The following WDR72 variants were observed in gnomAD, a reference collection of about 807,000 sequenced individuals.
WDR72 encodes WD repeat domain 72.
WDR72 carries 120 observed loss-of-function variants against 124.2 expected under a neutral mutation model. That is an observed-to-expected ratio of 0.97 (90% CI 0.83 to 1.12). WDR72 has a LOEUF of 1.12. WDR72 is among the 50% of genes most tolerant of loss of function. WDR72 has a pLI of 0.00. For synonymous variants in WDR72, 452 were observed against 441.7 expected, an observed-to-expected ratio of 1.02 and a Z score of -0.29; for missense variants, 1,387 against 1,278.8, an observed-to-expected ratio of 1.08 and a Z score of -1.29.
intron 18 of WDR72, among the ~76,000 whole-genome samples, chr15:53,532,541 C>A (rs970648024): frequency 6.6e-6 from 1 of 151,962 alleles, no homozygotes; most frequent in African/African-American, 2.4e-5. Flanking sequence ...AAGTCAGGTA[C>A]AGAAAAACAA....
intron 4 of WDR72, among the ~76,000 whole-genome samples, chr15:53,715,877 G>A (rs923134588): frequency 5.1e-4 from 78 of 152,178 alleles, no homozygotes; most frequent in African/African-American, 1.8e-3. Context: ...CAACAATGCT[G>A]TATGTTAAAA....
Position 53,582,566 on chromosome 15 carries a change from C to T in WDR72, c.3148+14513G>A, listed in dbSNP as rs777569277. Among the ~76,000 whole-genome samples, 110 of 151,784 alleles carry T rather than the reference C, an allele frequency of 7.2e-4. 1 individual carries two copies. The highest frequency in any genetic ancestry group is 1.2e-3 in the Admixed American group (18 of 15,214). ...TAGAAAAATCTTATGGGCTTGTTTC[C>T]CCGAATACCTGACCGCTAATTTAAA... On this transcript the variant is annotated intron_variant, in intron 18 of 19. Coordinates refer to ENST00000360509, the MANE Select transcript of WDR72 (RefSeq NM_182758.4).
intron 17 of WDR72, among the ~76,000 whole-genome samples, chr15:53,600,720 C>T (rs745779637): frequency 3.3e-5 from 5 of 152,134 alleles, no homozygotes; most frequent in African/African-American, 9.7e-5. Context: ...TTTCCCAACA[C>T]TCTGCTCATG....
chr15:53,627,908 T>C (rs1047379471), intron 14 of WDR72, among the ~76,000 whole-genome samples: 1 of 152,290 alleles, frequency 6.6e-6, no homozygotes, highest in Admixed American at 6.5e-5. Flanking sequence ...CTTTTTAAAA[T>C]CTCCTTAATA....
chr15:53,535,386 C>T (rs1334558018), intron 18 of WDR72, among the ~76,000 whole-genome samples: 1 of 152,156 alleles, frequency 6.6e-6, no homozygotes, highest in African/African-American at 2.4e-5. Flanking sequence ...GAACCATGAT[C>T]ATCAACCTTT....
intron 5 of WDR72, 32 bp downstream of exon 5, chr15:53,715,161 C>T (rs746970848): frequency 1.2e-6 from 2 of 1,605,906 alleles, no homozygotes; most frequent in Non-Finnish European, 1.7e-6. Context: ...TATATGCAAT[C>T]TCTCTACTGT....
At chr15:53,656,271 A>T (rs2015417201) in intron 14 of WDR72, among the ~76,000 whole-genome samples, 1 of 152,224 alleles carries the variant, frequency 6.6e-6, no homozygotes, top group African/African-American at 2.4e-5. Context: ...ACAAATAAAT[A>T]AACGTCATTT....
rs563885155 is a variant in WDR72, at chr15:53,623,321, A to C, written c.1963-7078T>G. ...GGCTATTGTTGTCATCTTTATGTTC[A>C]TGAGTACTCATTGTTTAGCTTCCAT... On this transcript the variant is annotated intron_variant, in intron 14 of 19. Transcript: ENST00000360509. Among the ~76,000 whole-genome samples, 14 of 152,156 alleles carry C rather than the reference A, an allele frequency of 9.2e-5. No individual in the cohort carries two copies. In the East Asian group the frequency reaches 2.3e-3, roughly 25 times the overall value.
chr15:53,662,743 T>C (rs2015648492), intron 14 of WDR72, among the ~76,000 whole-genome samples: 1 of 152,050 alleles, frequency 6.6e-6, no homozygotes, highest in African/African-American at 2.4e-5. Flanking sequence ...TTCACACTTA[T>C]CAAATTTGTA....
At position 53,514,212 on chromosome 15, in the gene WDR72, T is replaced by C. The variant is rs1361679843; in HGVS notation, c.*3487A>G. The stretch of plus-strand genomic sequence containing the variant: ...TTCTTAGGAAATTAAACACAACTTT[T>C]GGCACTTTACATATAAGACAACATT... On this transcript the variant is annotated 3_prime_UTR_variant, in exon 20 of 20. Coordinates refer to ENST00000360509, the MANE Select transcript of WDR72 (RefSeq NM_182758.4). 1 of 152,212 alleles carries C rather than the reference T, an allele frequency of 6.6e-6. No homozygotes were observed. Among genetic ancestry groups the C allele is most frequent in the African/African-American group, 2.4e-5 (1 of 41,456 alleles). The allele number at this position is 152,212 out of a possible 1,614,324, so 9.4% of individuals were successfully genotyped here. A position where few individuals can be genotyped will look rare whatever the true frequency, so the allele number is the denominator to read the frequency against.
intron 18 of WDR72, among the ~76,000 whole-genome samples, chr15:53,536,876 C>G (rs1892790911): frequency 6.6e-6 from 1 of 152,092 alleles, no homozygotes; most frequent in Non-Finnish European, 1.5e-5. Flanking sequence ...TTGACATGAT[C>G]CTGTTGTCTG....
chr15:53,665,435 A>G, intron 14 of WDR72, 137 bp downstream of exon 14: 3 of 951,256 alleles, frequency 3.2e-6, no homozygotes, highest in Non-Finnish European at 4.9e-6. Flanking sequence ...GATTCACCCA[A>G]GATTACTTGG....
chr15:53,598,428 T>G (rs1169543194), intron 17 of WDR72, among the ~76,000 whole-genome samples: 1 of 150,980 alleles, frequency 6.6e-6, no homozygotes, highest in East Asian at 2.0e-4. Flanking sequence ...ACACCGAGAG[T>G]GGTGACCTAG....
intron 15 of WDR72, among the ~76,000 whole-genome samples, chr15:53,614,266 G>A (rs1237361920): frequency 6.6e-6 from 1 of 152,020 alleles, no homozygotes; most frequent in Non-Finnish European, 1.5e-5. Flanking sequence ...GTTAAATCAT[G>A]TGCCCAGGTG....
intron 1 of WDR72, among the ~76,000 whole-genome samples, chr15:53,736,644 G>C (rs1390679145): frequency 6.6e-6 from 1 of 152,180 alleles, no homozygotes; most frequent in Non-Finnish European, 1.5e-5. Flanking sequence ...CATCCTGAGA[G>C]CACTTGTAGG....
At chr15:53,524,210 C>T (rs528481714) in intron 18 of WDR72, among the ~76,000 whole-genome samples, 1 of 152,116 alleles carries the variant, frequency 6.6e-6, no homozygotes, top group Admixed American at 6.5e-5. Context: ...ACAATTAAGC[C>T]AAATGTTCTA....
chr15:53,655,710 T>C (rs893155574), intron 14 of WDR72, among the ~76,000 whole-genome samples: 2 of 151,958 alleles, frequency 1.3e-5, no homozygotes, highest in African/African-American at 2.4e-5. Context: ...TTTGTAAGTT[T>C]TTTTTTTTGA....
In WDR72 at chr15:53,706,369, T is replaced by TATATATATATACATATATATATATATAC. The variant is rs2017371638; in HGVS notation, c.955-296_955-295insGTATATATATATATATGTATATATATAT. Among the ~76,000 whole-genome samples the TATATATATATACATATATATATATATAC allele has an allele frequency of 5.9e-5, 3 of 51,024 alleles. No individual in the cohort carries two copies. In the East Asian group the frequency reaches 1.6e-3, roughly 28 times the overall value. 33.5% of individuals were successfully genotyped at this position (51,024 alleles called of 152,430 possible). A position where few individuals can be genotyped will look rare whatever the true frequency, so the allele number is the denominator to read the frequency against. On this transcript the variant is annotated intron_variant, in intron 9 of 19. Coordinates refer to ENST00000360509, the MANE Select transcript of WDR72 (RefSeq NM_182758.4). ...GTGTGTGTATATATATATATATATA[T>TATATATATATACATATATATATATATAC]ATATATATATATATATATATATATA...
In WDR72 at chr15:53,733,183, A is replaced by C. The variant is rs930337292; in HGVS notation, c.-12-22T>G. The C allele has an allele frequency of 1.9e-6, 3 of 1,612,618 alleles. No homozygotes were observed. In the African/African-American group the frequency reaches 4.0e-5, roughly 22 times the overall value. ...AATCCTGACATACAAAGAAGGGAAG[A>C]AGCATACATGGTCATCTTTTTGAAA... On this transcript the variant is annotated intron_variant, in intron 1 of 19. Transcript: ENST00000360509.
Sources: allele counts gnomAD v4.1 joint callset (sites outside exome capture counted in the v4.1 genomes callset), GRCh38; gene constraint gnomAD v4.1.1; transcripts MANE v1.5; gene names NCBI Gene and HGNC (gene_info 2026-07-23, HGNC 2026-07-21).